MACO1: variants seen among roughly 807,000 people sequenced by gnomAD.
MACO1 encodes the protein macoilin 1.
In MACO1, 14 loss-of-function variants were observed where a neutral mutation model predicts 78.7. The observed-to-expected ratio is 0.18, with a 90% CI of 0.12 to 0.28. MACO1 has a LOEUF of 0.28. Among genes scored for constraint, MACO1 ranks in the 10% least tolerant of loss-of-function variants. The pLI is 1.00. For missense variants in MACO1, 501 were observed against 799.0 expected (o/e 0.63, Z 4.50); for synonymous variants, 288 against 291.6 (o/e 0.99, Z 0.12).
At chr1:25,484,878 A>G (rs1208929029) in intron 7 of MACO1, among the ~76,000 whole-genome samples, 1 of 152,066 alleles carries the variant, frequency 6.6e-6, no homozygotes, top group Non-Finnish European at 1.5e-5. Context: ...TTGAAAGAGG[A>G]GTTCAACATT....
At chr1:25,461,581 C>A (rs780139595) in intron 6 of MACO1, among the ~76,000 whole-genome samples, 8 of 151,346 alleles carry the variant, frequency 5.3e-5, no homozygotes, top group Non-Finnish European at 1.2e-4. Flanking sequence ...CCTTCCCCCC[C>A]CTCAAAAAAA....
chr1:25,458,672 G>A lies in MACO1; in HGVS notation c.934G>A (p.Glu312Lys), dbSNP rs1248858158. 2 of 1,614,014 alleles carry A rather than the reference G, an allele frequency of 1.2e-6. No individual in the cohort carries two copies. The highest frequency in any genetic ancestry group is 1.7e-6 in the Non-Finnish European group (2 of 1,180,026). Residue 312 changes from glutamate to lysine, a missense_variant, in exon 6 of 11, where the codon GAG becomes AAG. By Grantham distance (56) the Glu-to-Lys change is moderately conservative. Coordinates refer to ENST00000374343, the MANE Select transcript of MACO1 (RefSeq NM_018202.6). ...LVGSTENLLK[E>K]DSCTASSKNY... is the part of the protein sequence containing the mutation. ...GGGAAGTACAGAAAATCTCTTGAAA[G>A]AGGACTCATGCACTGCTTCCTCAAA...
At chr1:25,484,708 T>G (rs1219964084) in intron 7 of MACO1, among the ~76,000 whole-genome samples, 1 of 152,218 alleles carries the variant, frequency 6.6e-6, no homozygotes. Flanking sequence ...GAAAGCCAGG[T>G]CTTCTGTGTG....
chr1:25,480,277 GT>G (rs2043359792), intron 6 of MACO1, among the ~76,000 whole-genome samples: 1 of 152,234 alleles, frequency 6.6e-6, no homozygotes, highest in African/African-American at 2.4e-5. Flanking sequence ...ATTGGGCAGT[GT>G]TCTTGTAGAG....
chr1:25,474,264 T>C (rs566480520), intron 6 of MACO1, among the ~76,000 whole-genome samples: 2 of 152,302 alleles, frequency 1.3e-5, no homozygotes, highest in African/African-American at 4.8e-5. Context: ...TTTAACATCA[T>C]GTAGGAGGAG....
In MACO1 at chr1:25,497,294, C is replaced by T. The variant is rs964415486; in HGVS notation, c.1793-970C>T. On this transcript the variant is annotated intron_variant, in intron 10 of 10. Transcript: ENST00000374343. ...ACTCAGGAGGCTGAGGCGGGAGAAT[C>T]GCTTGAACCCGGGAGGCAGAGGTTG... Among the ~76,000 whole-genome samples, 7 of 151,418 alleles carry T rather than the reference C, an allele frequency of 4.6e-5. No homozygotes were observed. The South Asian group carries it at 6.3e-4, about 14-fold the overall frequency.
chr1:25,494,245 T>TG (rs1177732247), intron 10 of MACO1, among the ~76,000 whole-genome samples: 1 of 151,980 alleles, frequency 6.6e-6, no homozygotes. Flanking sequence ...AGTAGAGGCA[T>TG]GAGGTAGAGG....
intron 6 of MACO1, among the ~76,000 whole-genome samples, chr1:25,462,106 TG>T (rs1571968899): frequency 6.6e-6 from 1 of 152,058 alleles, no homozygotes; most frequent in Non-Finnish European, 1.5e-5. Context: ...AGCTAGAGAG[TG>T]GGTTTGTTAT....
At chr1:25,498,209 C>T in intron 10 of MACO1, 55 bp from the exon 11 acceptor site, 1 of 1,587,416 alleles carries the variant, frequency 6.3e-7, no homozygotes, top group Non-Finnish European at 8.6e-7. Flanking sequence ...CCCCTGGGGA[C>T]ATTGTGTTGG....
chr1:25,498,094 C>A (rs2043553412), intron 10 of MACO1, among the ~76,000 whole-genome samples, 170 bp from the exon 11 acceptor site: 1 of 152,188 alleles, frequency 6.6e-6, no homozygotes, highest in South Asian at 2.1e-4. Context: ...TGGCCCACGA[C>A]ACCTAAAATA....
At chr1:25,493,985 C>T (rs2043512855) in intron 10 of MACO1, among the ~76,000 whole-genome samples, 2 of 152,160 alleles carry the variant, frequency 1.3e-5, no homozygotes, top group South Asian at 4.1e-4. Flanking sequence ...CCCGCCTCGG[C>T]CTCCCAAAGT....
intron 1 of MACO1, among the ~76,000 whole-genome samples, chr1:25,445,737 G>A (rs2043010291): frequency 6.6e-6 from 1 of 151,390 alleles, no homozygotes; most frequent in Non-Finnish European, 1.5e-5. Context: ...CATCAGTATT[G>A]GAATATTTGT....
intron 6 of MACO1, among the ~76,000 whole-genome samples, chr1:25,473,496 T>A (rs982335195): frequency 2.4e-4 from 37 of 151,978 alleles, no homozygotes; most frequent in Non-Finnish European, 4.7e-4. Context: ...AAAAAAAAAA[T>A]TTTTATGTTG....
chr1:25,492,485 G>A (rs1214405976), intron 10 of MACO1, among the ~76,000 whole-genome samples: 1 of 152,070 alleles, frequency 6.6e-6, no homozygotes, highest in Admixed American at 6.5e-5. Context: ...AAGCACTTCC[G>A]GGGAGGGGGC....
At chr1:25,494,961 C>T (rs900953189) in intron 10 of MACO1, among the ~76,000 whole-genome samples, 6 of 152,092 alleles carry the variant, frequency 3.9e-5, no homozygotes, top group African/African-American at 1.4e-4. Flanking sequence ...GCAGGAGTGG[C>T]TTGGGATGGC....
At chr1:25,446,276 A>G (rs542053698) in intron 1 of MACO1, among the ~76,000 whole-genome samples, 1 of 152,334 alleles carries the variant, frequency 6.6e-6, no homozygotes, top group South Asian at 2.1e-4. Context: ...GGCAAGAGGA[A>G]AAAAGGGGGA....
At chr1:25,438,906 A>G (rs1343908156) in intron 1 of MACO1, among the ~76,000 whole-genome samples, 1 of 148,150 alleles carries the variant, frequency 6.7e-6, no homozygotes, top group African/African-American at 2.6e-5. Flanking sequence ...CAAGAAAAAT[A>G]AAATAAAATA....
At chr1:25,457,322 G>A (rs1361856871) in intron 5 of MACO1, among the ~76,000 whole-genome samples, 1 of 151,866 alleles carries the variant, frequency 6.6e-6, no homozygotes, top group East Asian at 1.9e-4. Flanking sequence ...GTGTTGTTCA[G>A]GCTAGTCTCA....
intron 6 of MACO1, among the ~76,000 whole-genome samples, chr1:25,464,882 C>A (rs1232201410): frequency 6.6e-6 from 1 of 151,952 alleles, no homozygotes; most frequent in Non-Finnish European, 1.5e-5. Context: ...ACCATGTTAA[C>A]CAGCTGGTCT....
Sources: gnomAD v4.1 joint callset for allele counts (sites outside exome capture counted in the v4.1 genomes callset) on GRCh38, gnomAD v4.1.1 for gene constraint, MANE v1.5 for transcripts, NCBI Gene and HGNC (gene_info 2026-07-23, HGNC 2026-07-21) for gene names.